SDAD1: variants seen among roughly 807,000 people sequenced by gnomAD.
SDAD1 encodes SDA1 domain containing 1, also known as protein SDA1 homolog.
In SDAD1, 79 loss-of-function variants were observed where a neutral mutation model predicts 100.3. The ratio of observed to expected loss-of-function variants is 0.79; its 90% CI spans 0.66 to 0.95. The LOEUF is 0.95. SDAD1 is among the 40% of genes least tolerant of loss of function. SDAD1 has a pLI of 0.00. For synonymous variants in SDAD1, 267 were observed against 271.4 expected (o/e 0.98, Z 0.16); for missense variants, 790 against 810.9 (o/e 0.97, Z 0.31).
intron 13 of SDAD1, 23 bp downstream of exon 13, chr4:75,965,741 G>C: frequency 6.2e-7 from 1 of 1,606,354 alleles, no homozygotes; most frequent in Non-Finnish European, 8.5e-7. Context: ...CCTAGGTCCA[G>C]AAGTCAGGTT....
rs181866177 is a variant in SDAD1, at chr4:75,950,524, G to A, written c.*226C>T. 1 of 452,844 alleles carries A rather than the reference G, an allele frequency of 2.2e-6. No individual in the cohort carries two copies. The highest frequency in any genetic ancestry group is 1.9e-5 in the African/African-American group (1 of 51,670). The allele number at this position is 452,844 out of a possible 1,614,324, so 28.1% of individuals were successfully genotyped here. A position where few individuals can be genotyped will look rare whatever the true frequency, so the allele number is the denominator to read the frequency against. ...ACTCAATACATACTTTTTTTTGCAT[G>A]AATGATAAATGAAATGATTTTACAT... On this transcript the variant is annotated 3_prime_UTR_variant, in exon 22 of 22. Transcript: ENST00000356260.
intron 21 of SDAD1, among the ~76,000 whole-genome samples, chr4:75,953,558 A>T (rs1728725932): frequency 6.6e-6 from 1 of 152,210 alleles, no homozygotes. Flanking sequence ...TCTATTAAAA[A>T]TGCCGTCATT....
At chr4:75,954,475 C>G (rs1728779361) in intron 21 of SDAD1, among the ~76,000 whole-genome samples, 1 of 151,624 alleles carries the variant, frequency 6.6e-6, no homozygotes, top group Admixed American at 6.6e-5. Context: ...CAGTTTGAAA[C>G]CAGACTGGGC....
intron 8 of SDAD1, 22 bp from the exon 9 acceptor site, chr4:75,971,480 A>T (rs1729864691): frequency 6.4e-7 from 1 of 1,551,498 alleles, no homozygotes; most frequent in African/African-American, 1.4e-5. Flanking sequence ...ATTACTTTGT[A>T]AAATTGTAAA....
chr4:75,965,775 C>T lies in SDAD1; in HGVS notation c.1093G>A (p.Val365Ile), dbSNP rs748877550. The change falls in exon 13 of 22, where the codon GTA becomes ATA. Residue 365 changes from valine to isoleucine, a missense_variant. Transcript: ENST00000356260. ...TTACAGGTTCTCACCTCTGGGGGTA[C>T]TAGGTGATGAGATGCTTGTGCAGCA... is the stretch of plus-strand genomic sequence containing the variant. ...LFAAQASHHL[V>I]PPEIIQSLLM... 6.8e-6 allele frequency: 11 copies of T among 1,613,530 alleles called. No individual in the cohort carries two copies. The highest frequency in any genetic ancestry group is 4.4e-5 in the South Asian group (4 of 91,046).
chr4:75,963,277 C>CTGTTTTGGTACCAGTACCATGT (rs1729351797), intron 14 of SDAD1, among the ~76,000 whole-genome samples: 1 of 151,896 alleles, frequency 6.6e-6, no homozygotes, highest in Non-Finnish European at 1.5e-5. Context: ...CAGTACCATG[C>CTGTTTTGGTACCAGTACCATGT]TGTTTTGGTT....
chr4:75,990,270 A>AG (rs925338997), intron 1 of SDAD1, among the ~76,000 whole-genome samples: 7 of 88,444 alleles, frequency 7.9e-5, no homozygotes, highest in African/African-American at 3.3e-4. Flanking sequence ...GTTGTGCTTG[A>AG]GAAACCCCCC....
intron 1 of SDAD1, among the ~76,000 whole-genome samples, chr4:75,987,432 T>C (rs1327459094): frequency 6.6e-6 from 1 of 152,224 alleles, no homozygotes; most frequent in Non-Finnish European, 1.5e-5. Context: ...AATCAGATTT[T>C]TGCACCCATT....
chr4:75,950,882 G>GA, intron 21 of SDAD1, 85 bp from the exon 22 acceptor site: 1 of 803,286 alleles, frequency 1.2e-6, no homozygotes, highest in Non-Finnish European at 2.0e-6. Context: ...TACTAAAAAG[G>GA]AATCACCAAG....
chr4:75,955,518 T>C (rs776857744), intron 21 of SDAD1, among the ~76,000 whole-genome samples: 1 of 152,088 alleles, frequency 6.6e-6, no homozygotes, highest in Non-Finnish European at 1.5e-5. Context: ...CTGCAGTGAG[T>C]TGTGACTGCA....
chr4:75,974,469 A>G (rs1730045573), intron 6 of SDAD1, among the ~76,000 whole-genome samples: 1 of 151,690 alleles, frequency 6.6e-6, no homozygotes, highest in Non-Finnish European at 1.5e-5. Flanking sequence ...TAATCCCAGC[A>G]CTTTGGAGGG....
In SDAD1 at chr4:75,990,829, T is replaced by G. The variant is rs774881192; in HGVS notation, c.13A>C (p.Asn5His). Residue 5 changes from asparagine (N) to histidine (H), a missense_variant, in exon 1 of 22, where the codon AAC becomes CAC. Coordinates refer to ENST00000356260, the MANE Select transcript of SDAD1 (RefSeq NM_018115.4). ...AGGTTGCTGGGAAGCTTGTTGTTGT[T>G]TCTGTTGGACATTTTGGCTGCAGAC... MSNR[N>H]NNKLPSNLPQ... is the part of the protein sequence containing the mutation. The G allele has an allele frequency of 6.2e-7, 1 of 1,614,102 alleles. No individual in the cohort carries two copies. Among genetic ancestry groups the G allele is most frequent in the Non-Finnish European group, 8.5e-7 (1 of 1,179,994 alleles).
At chr4:75,974,157 T>C (rs1168584675) in intron 6 of SDAD1, 24 bp from the exon 7 acceptor site, 45 of 1,599,698 alleles carry the variant, frequency 2.8e-5, no homozygotes, top group Non-Finnish European at 3.8e-5. Flanking sequence ...ATGAATGCTT[T>C]GAAGTAAATT....
chr4:75,982,027 T>C lies in SDAD1; in HGVS notation c.101A>G (p.Gln34Arg). 1 of 1,603,416 alleles carries C rather than the reference T, an allele frequency of 6.2e-7. No individual in the cohort carries two copies. The highest frequency in any genetic ancestry group is 8.5e-7 in the Non-Finnish European group (1 of 1,174,336). The change falls in exon 2 of 22, where the codon CAG becomes CGG. Residue 34 changes from glutamine (Q) to arginine (R), a missense_variant. Physicochemically the swap from Gln to Arg is conservative, Grantham distance 43. Coordinates refer to ENST00000356260, the MANE Select transcript of SDAD1 (RefSeq NM_018115.4). ...CACATTGGATTTGTAGTGATTATAC[T>C]GCTGTAGAAACTGCAGAAAAATAAA... ...PPAYIEEFLQ[Q>R]YNHYKSNVEI...
At chr4:75,956,927 T>C (rs1040230510) in intron 20 of SDAD1, among the ~76,000 whole-genome samples, 1 of 152,168 alleles carries the variant, frequency 6.6e-6, no homozygotes, top group Non-Finnish European at 1.5e-5. Flanking sequence ...CTGGCCAACA[T>C]GGCGAAACCT....
chr4:75,971,341 C>T lies in SDAD1; in HGVS notation c.813+16G>A, dbSNP rs1157662673. On this transcript the variant is annotated intron_variant, in intron 9 of 21. Coordinates refer to ENST00000356260, the MANE Select transcript of SDAD1 (RefSeq NM_018115.4). ...CTCTAATCACTCCTATCTCATTTTCCAGATACAAGTCCCACCTTGAGCACT... is the reference window on the plus strand; with the variant it reads ...CTCTAATCACTCCTATCTCATTTTCTAGATACAAGTCCCACCTTGAGCACT... The T allele has an allele frequency of 2.2e-5, 34 of 1,571,002 alleles. No homozygotes were observed. Among genetic ancestry groups the T allele is most frequent in the Non-Finnish European group, 2.8e-5 (32 of 1,141,734 alleles).
chr4:75,970,449 T>A, intron 9 of SDAD1, 71 bp from the exon 10 acceptor site: 1 of 1,190,466 alleles, frequency 8.4e-7, no homozygotes, highest in Non-Finnish European at 1.2e-6. Flanking sequence ...AATGTGCTAA[T>A]AAGGCTGTTA....
intron 1 of SDAD1, among the ~76,000 whole-genome samples, chr4:75,986,879 T>G (rs1273206361): frequency 6.6e-6 from 1 of 151,958 alleles, no homozygotes; most frequent in African/African-American, 2.4e-5. Context: ...CAACTGGGAA[T>G]GGTGGTTGCA....
chr4:75,968,690 G>A (rs1393857026), intron 11 of SDAD1, among the ~76,000 whole-genome samples: 2 of 152,048 alleles, frequency 1.3e-5, no homozygotes, highest in Non-Finnish European at 2.9e-5. Flanking sequence ...GCATTATATT[G>A]GCTCAAGAAA....
Sources: gnomAD v4.1 joint callset for allele counts (sites outside exome capture counted in the v4.1 genomes callset) on GRCh38, gnomAD v4.1.1 for gene constraint, MANE v1.5 for transcripts, NCBI Gene and HGNC (gene_info 2026-07-23, HGNC 2026-07-21) for gene names.